The following WWOX variants were observed in gnomAD, a reference collection of about 807,000 sequenced individuals.
WWOX encodes the protein WW domain-containing oxidoreductase.
A neutral mutation model predicts 46.2 loss-of-function variants in WWOX; 69 were observed. The observed-to-expected ratio is 1.49, with a 90% CI of 1.23 to 1.82. WWOX has a LOEUF of 1.82. Among genes scored for constraint, WWOX ranks in the 40% most tolerant of loss-of-function variants. WWOX has a pLI of 0.00. For missense variants in WWOX, 919 were observed against 542.6 expected (o/e 1.69, Z -6.89); for synonymous variants, 359 against 202.6 (o/e 1.77, Z -6.56).
chr16:78,308,183 C>T (rs886696862), intron 5 of WWOX, among the ~76,000 whole-genome samples: 2 of 152,150 alleles, frequency 1.3e-5, no homozygotes, highest in Admixed American at 6.6e-5. Context: ...TGGCCAGCAC[C>T]ATGCCACACA....
At chr16:79,175,037 C>G (rs1328605362) in intron 8 of WWOX, among the ~76,000 whole-genome samples, 1 of 152,230 alleles carries the variant, frequency 6.6e-6, no homozygotes, top group Non-Finnish European at 1.5e-5. Context: ...TAACCTCCCT[C>G]TCATTATCCC....
intron 5 of WWOX, among the ~76,000 whole-genome samples, chr16:78,212,765 G>T (rs753909482): frequency 2.0e-5 from 3 of 152,174 alleles, no homozygotes; most frequent in Non-Finnish European, 2.9e-5. Flanking sequence ...GGAAGGCAAA[G>T]TAAAAGCCAA....
At chr16:78,235,785 G>A (rs2037417414) in intron 5 of WWOX, among the ~76,000 whole-genome samples, 4 of 152,164 alleles carry the variant, frequency 2.6e-5, no homozygotes, top group Admixed American at 2.6e-4. Context: ...GGTGATTGGG[G>A]GAAGGAAGTC....
intron 8 of WWOX, among the ~76,000 whole-genome samples, chr16:78,461,967 C>T (rs770215698): frequency 6.6e-6 from 1 of 152,216 alleles, no homozygotes; most frequent in Non-Finnish European, 1.5e-5. Flanking sequence ...AATGGAAGGA[C>T]CCTCAACAGA....
intron 8 of WWOX, chr16:78,899,305 A>G (rs960133206): frequency 1.3e-5 from 2 of 152,072 alleles, no homozygotes; most frequent in Non-Finnish European, 2.9e-5. Context: ...TATTTTTCTT[A>G]TTCTTACTAT....
intron 8 of WWOX, among the ~76,000 whole-genome samples, chr16:78,475,800 A>T (rs1338058070): frequency 6.6e-6 from 1 of 152,108 alleles, no homozygotes; most frequent in African/African-American, 2.4e-5. Context: ...TCACCATGTT[A>T]GCCAGGCTGG....
intron 5 of WWOX, among the ~76,000 whole-genome samples, chr16:78,336,460 C>T (rs989709408): frequency 2.9e-4 from 42 of 146,350 alleles, no homozygotes; most frequent in African/African-American, 1.0e-3. Context: ...GAGCCAAGAT[C>T]TCACCACTGC....
chr16:78,815,428 T>C (rs982433761), intron 8 of WWOX, among the ~76,000 whole-genome samples: 1 of 152,204 alleles, frequency 6.6e-6, no homozygotes, highest in African/African-American at 2.4e-5. Context: ...CCTTGCTGTT[T>C]CCTTAAACCC....
chr16:78,884,544 T>C (rs1036023639), intron 8 of WWOX, among the ~76,000 whole-genome samples: 3 of 152,200 alleles, frequency 2.0e-5, no homozygotes, highest in Middle Eastern at 3.4e-3. Context: ...AATTCAACAA[T>C]GTGGATTTAT....
intron 8 of WWOX, among the ~76,000 whole-genome samples, chr16:79,080,325 C>T (rs1163500804): frequency 1.3e-5 from 2 of 151,834 alleles, no homozygotes; most frequent in South Asian, 2.1e-4. Context: ...TATTCTCTTG[C>T]CACGAATCAG....
At chr16:78,417,639 T>C (rs1645010693) in intron 6 of WWOX, among the ~76,000 whole-genome samples, 1 of 152,220 alleles carries the variant, frequency 6.6e-6, no homozygotes, top group South Asian at 2.1e-4. Context: ...GCAAGGTTTT[T>C]AGCAGTGGTC....
chr16:79,019,320 G>A (rs908853221), intron 8 of WWOX, among the ~76,000 whole-genome samples: 2 of 152,026 alleles, frequency 1.3e-5, no homozygotes, highest in South Asian at 4.2e-4. Context: ...AACCTAGATG[G>A]TGCCGTCTAC....
chr16:79,057,975 G>T (rs1203773137), intron 8 of WWOX, among the ~76,000 whole-genome samples: 1 of 152,068 alleles, frequency 6.6e-6, no homozygotes, highest in East Asian at 1.9e-4. Flanking sequence ...TTCTTCTCGG[G>T]CTCTTATTCA....
intron 8 of WWOX, among the ~76,000 whole-genome samples, chr16:78,784,738 G>C (rs557921929): frequency 4.6e-5 from 7 of 152,278 alleles, no homozygotes; most frequent in Non-Finnish European, 8.8e-5. Context: ...GGGGAGCCTG[G>C]TGGGCAGTCT....
chr16:78,772,744 C>A (rs1356803232), intron 8 of WWOX, among the ~76,000 whole-genome samples: 1 of 152,072 alleles, frequency 6.6e-6, no homozygotes, highest in Non-Finnish European at 1.5e-5. Flanking sequence ...GTTGGCTAGG[C>A]GCGGTGGCTC....
intron 8 of WWOX, among the ~76,000 whole-genome samples, chr16:79,095,788 G>T (rs1470522256): frequency 2.0e-5 from 3 of 151,130 alleles, no homozygotes; most frequent in African/African-American, 7.3e-5. Context: ...TCAGAAAGCC[G>T]ACTTCACCCT....
chr16:78,559,895 T>G (rs541901194), intron 8 of WWOX, among the ~76,000 whole-genome samples: 4 of 152,336 alleles, frequency 2.6e-5, no homozygotes, highest in Non-Finnish European at 4.4e-5. Context: ...AATTTATGAC[T>G]TGGCTTACAA....
At position 78,340,947 on chromosome 16, in the gene WWOX, G is replaced by T. The variant is rs534436231; in HGVS notation, c.517-45913G>T. On this transcript the variant is annotated intron_variant, in intron 5 of 8. Transcript: ENST00000566780. ...AAATGATGGTATCCTGCTGGGCTGA[G>T]TGGGGAGGGATTCTCAAGCTGTACA... Among the ~76,000 whole-genome samples the T allele has an allele frequency of 3.4e-5, 4 of 119,250 alleles. 1 individual carries two copies. The South Asian group carries it at 7.5e-4, about 23-fold the overall frequency. The allele number at this position is 119,250 out of a possible 152,430, so 78.2% of individuals were successfully genotyped here. A position where few individuals can be genotyped will look rare whatever the true frequency, so the allele number is the denominator to read the frequency against.
At chr16:78,763,332 T>G (rs1316342965) in intron 8 of WWOX, among the ~76,000 whole-genome samples, 2 of 152,260 alleles carry the variant, frequency 1.3e-5, no homozygotes, top group Non-Finnish European at 2.9e-5. Flanking sequence ...TGATTTCTTC[T>G]TCGACCCTCA....
Sources: gnomAD v4.1 joint callset for allele counts (sites outside exome capture counted in the v4.1 genomes callset) on GRCh38, gnomAD v4.1.1 for gene constraint, MANE v1.5 for transcripts, NCBI Gene and HGNC (gene_info 2026-07-23, HGNC 2026-07-21) for gene names.